Variants in DMD observed in about 807,000 individuals in gnomAD.
The protein encoded by DMD is dystrophin.
Under a neutral mutation model 330.1 loss-of-function variants are expected in DMD, and 63 were observed. That is an observed-to-expected ratio of 0.19 (90% CI 0.16 to 0.24). The LOEUF is 0.24. Among genes scored for constraint, DMD ranks in the 10% least tolerant of loss-of-function variants. The pLI is 1.00. For missense variants in DMD, 3,344 were observed against 2,684.1 expected, an observed-to-expected ratio of 1.25 and a Z score of -5.43; for synonymous variants, 1,223 against 959.8, an observed-to-expected ratio of 1.27 and a Z score of -5.07.
At chrX:31,464,787 A>T (rs2066742761) in intron 59 of DMD, among the ~76,000 whole-genome samples, 1 of 112,755 alleles carries the variant, frequency 8.9e-6, no homozygotes, top group Non-Finnish European at 1.9e-5. Flanking sequence ...GAGACTTATT[A>T]GGAGAAGTAG....
chrX:32,944,255 T>G (rs755478437), intron 2 of DMD, among the ~76,000 whole-genome samples: 1 of 112,585 alleles, frequency 8.9e-6, no homozygotes, highest in Non-Finnish European at 1.9e-5. Flanking sequence ...TGGTTTTTAA[T>G]GTACAGATTT....
Position 33,009,391 on chromosome X carries a change from TATGTGTGTATATGTGTATATACAC to T in DMD, c.93+10724_93+10747del, listed in dbSNP as rs1217593358. Among the ~76,000 whole-genome samples, 8 of 86,614 alleles carry T rather than the reference TATGTGTGTATATGTGTATATACAC, an allele frequency of 9.2e-5. 1 individual carries two copies. Among genetic ancestry groups the T allele is most frequent in the South Asian group, 5.8e-4 (1 of 1,713 alleles). The allele number at this position is 86,614 out of a possible 115,157, so 75.2% of individuals were successfully genotyped here. A position where few individuals can be genotyped will look rare whatever the true frequency, so the allele number is the denominator to read the frequency against. On this transcript the variant is annotated intron_variant, in intron 2 of 78. Transcript: ENST00000357033. Reference sequence around the variant, plus strand: ...GTATATGTGTATATACACGTGTATATATGTGTGTATATGTGTATATACACATGTGTGTATATGTATGTGTATACA... The same window carrying T: ...GTATATGTGTATATACACGTGTATATATGTGTGTATATGTATGTGTATACA...
chrX:31,458,310 A>G (rs1166066871), intron 59 of DMD, among the ~76,000 whole-genome samples: 2 of 110,636 alleles, frequency 1.8e-5, no homozygotes, highest in East Asian at 2.8e-4. Flanking sequence ...TCTCACCATA[A>G]AATTGATATT....
chrX:32,878,617 G>A (rs1019246425), intron 2 of DMD, among the ~76,000 whole-genome samples: 2 of 111,196 alleles, frequency 1.8e-5, no homozygotes, highest in African/African-American at 6.5e-5. Context: ...GAATTATACT[G>A]CCAATGGTTT....
intron 41 of DMD, among the ~76,000 whole-genome samples, chrX:32,329,820 A>T (rs1221864359): frequency 8.9e-5 from 10 of 112,601 alleles, no homozygotes; most frequent in Non-Finnish European, 1.9e-5. Flanking sequence ...TATTCTGGCG[A>T]GAAGTGCCCA....
chrX:32,450,181 G>A (rs2098324150), intron 26 of DMD, among the ~76,000 whole-genome samples: 1 of 110,856 alleles, frequency 9.0e-6, no homozygotes, highest in African/African-American at 3.3e-5. Flanking sequence ...TAATGTAGAA[G>A]TTGGGCCTGC....
intron 7 of DMD, among the ~76,000 whole-genome samples, chrX:32,784,387 G>A (rs1021685922): frequency 8.0e-5 from 9 of 111,810 alleles, no homozygotes; most frequent in African/African-American, 2.9e-4. Flanking sequence ...ATGGTGGGGG[G>A]ACACCCATCT....
At chrX:32,516,455 T>C (rs1034263611) in intron 18 of DMD, 1 of 111,534 alleles carries the variant, frequency 9.0e-6, no homozygotes, top group Non-Finnish European at 1.9e-5. Context: ...GCTCCCGCTA[T>C]TGATAAAATG....
At chrX:31,977,787 CAA>C (rs759262885) in intron 44 of DMD, among the ~76,000 whole-genome samples, 123 of 60,283 alleles carry the variant, frequency 2.0e-3, no homozygotes, top group East Asian at 2.6e-3. Flanking sequence ...CTCTGCAAAT[CAA>C]AAAAAAAAAA....
intron 2 of DMD, among the ~76,000 whole-genome samples, chrX:32,925,464 C>T (rs1308037505): frequency 1.8e-5 from 2 of 110,606 alleles, no homozygotes; most frequent in Non-Finnish European, 3.8e-5. Context: ...AAGCAATTCA[C>T]GCACTTTCAG....
At chrX:32,830,484 G>A (rs1453385080) in intron 4 of DMD, among the ~76,000 whole-genome samples, 3 of 111,566 alleles carry the variant, frequency 2.7e-5, no homozygotes, top group Non-Finnish European at 5.7e-5. Context: ...CCTACTGTGT[G>A]TATCAGTGTT....
At chrX:31,134,032 A>G in intron 77 of DMD, 70 bp downstream of exon 77, 1 of 956,903 alleles carries the variant, frequency 1.0e-6, no homozygotes, top group East Asian at 3.1e-5. Flanking sequence ...AAATACACAC[A>G]CCAGTTGGGT....
chrX:32,118,298 T>C (rs1200944847), intron 44 of DMD, among the ~76,000 whole-genome samples: 2 of 111,885 alleles, frequency 1.8e-5, no homozygotes, highest in Non-Finnish European at 3.8e-5. Context: ...GGATTTTCAA[T>C]TATGCAGAGA....
intron 50 of DMD, among the ~76,000 whole-genome samples, chrX:31,816,208 A>G (rs891426801): frequency 5.4e-5 from 6 of 111,657 alleles, no homozygotes; most frequent in African/African-American, 1.6e-4. Context: ...AGCAACAACA[A>G]TTGCAAGTTT....
At chrX:32,700,769 C>T (rs899621186) in intron 7 of DMD, among the ~76,000 whole-genome samples, 1 of 110,913 alleles carries the variant, frequency 9.0e-6, no homozygotes, top group Non-Finnish European at 1.9e-5. Flanking sequence ...AATGTATTTT[C>T]CTTGCCATAC....
chrX:32,884,890 T>C (rs1480338390), intron 2 of DMD, among the ~76,000 whole-genome samples: 1 of 111,972 alleles, frequency 8.9e-6, no homozygotes, highest in East Asian at 2.8e-4. Context: ...TCCAGCTTAA[T>C]GACAAGCACA....
At chrX:32,156,283 G>A (rs949787136) in intron 44 of DMD, among the ~76,000 whole-genome samples, 3 of 111,926 alleles carry the variant, frequency 2.7e-5, no homozygotes, top group Non-Finnish European at 5.6e-5. Context: ...GGGAGGCTGA[G>A]GTAGGAGAAT....
At chrX:33,265,367 TTTTA>T (rs770453516) in intron 1 of DMD, among the ~76,000 whole-genome samples, 3 of 111,232 alleles carry the variant, frequency 2.7e-5, no homozygotes, top group African/African-American at 9.8e-5. Context: ...GCAAACTACC[TTTTA>T]TTTATTTATT....
intron 7 of DMD, among the ~76,000 whole-genome samples, chrX:32,763,952 CACA>C (rs1326522369): frequency 1.8e-5 from 2 of 111,545 alleles, no homozygotes; most frequent in Admixed American, 1.9e-4. Context: ...ATTACCCGCA[CACA>C]ACAACAGTAT....
Sources: gnomAD v4.1 joint callset for allele counts (sites outside exome capture counted in the v4.1 genomes callset) on GRCh38, gnomAD v4.1.1 for gene constraint, MANE v1.5 for transcripts, NCBI Gene and HGNC (gene_info 2026-07-23, HGNC 2026-07-21) for gene names.